Variants in GPR141 observed in about 807,000 individuals in gnomAD.
The protein encoded by GPR141 is probable G protein-coupled receptor 141.
In GPR141, 6 loss-of-function variants were observed where a neutral mutation model predicts 6.8. That is an observed-to-expected ratio of 0.88 (90% CI 0.48 to 1.74). The LOEUF (loss-of-function observed/expected upper bound fraction) is 1.74. Ranked by LOEUF, GPR141 falls within the 40% of genes most tolerant of loss-of-function variation. GPR141 has a pLI of 0.01. For synonymous variants in GPR141, 140 were observed against 142.3 expected (o/e 0.98, Z 0.11); for missense variants, 372 against 372.9 (o/e 1.00, Z 0.02).
chr7:37,740,674 T>G lies in GPR141; in HGVS notation c.281T>G (p.Met94Arg). ...GLPFCKFVSA[M>R]LHIHMYLTFL... is the part of the protein sequence containing the mutation. The stretch of plus-strand genomic sequence containing the variant: ...CCCTTCTGCAAATTTGTGAGTGCCA[T>G]GCTGCACATCCACATGTACCTCACG... The change falls in exon 3 of 3, where the codon ATG becomes AGG. Residue 94 changes from methionine (M) to arginine (R), a missense_variant. Transcript: ENST00000334425. 1 of 1,614,164 alleles carries G rather than the reference T, an allele frequency of 6.2e-7. No individual in the cohort carries two copies.
At chr7:37,724,289 A>G (rs995965220) in intron 2 of GPR141, among the ~76,000 whole-genome samples, 5 of 152,080 alleles carry the variant, frequency 3.3e-5, no homozygotes, top group African/African-American at 1.2e-4. Context: ...TAAAAAATAT[A>G]TATATACATT....
chr7:37,720,428 A>G (rs1263667800), intron 2 of GPR141, among the ~76,000 whole-genome samples: 1 of 152,240 alleles, frequency 6.6e-6, no homozygotes, highest in African/African-American at 2.4e-5. Context: ...CAGAGAGTTA[A>G]GTACTTAAGA....
chr7:37,716,713 G>T (rs533497647), intron 2 of GPR141, among the ~76,000 whole-genome samples: 49 of 152,348 alleles, frequency 3.2e-4, no homozygotes, highest in African/African-American at 1.2e-3. Context: ...TTAGCTGTTT[G>T]CTCAGGGAAC....
chr7:37,738,539 G>A (rs533438935), intron 2 of GPR141, among the ~76,000 whole-genome samples: 4 of 152,290 alleles, frequency 2.6e-5, no homozygotes, highest in Admixed American at 6.5e-5. Flanking sequence ...ACATGAGACA[G>A]CTGTTGCAGA....
chr7:37,732,865 G>A (rs1258884961), intron 2 of GPR141, among the ~76,000 whole-genome samples: 1 of 152,194 alleles, frequency 6.6e-6, no homozygotes, highest in Non-Finnish European at 1.5e-5. Context: ...ATTGGGAGAA[G>A]GTTATTACAA....
In GPR141 at chr7:37,743,336, A is replaced by G. The variant is rs537894679; in HGVS notation, c.*2025A>G. Among the ~76,000 whole-genome samples the G allele has an allele frequency of 3.1e-3, 470 of 152,304 alleles. 5 individuals are homozygous for G. Among genetic ancestry groups the G allele is most frequent in the African/African-American group, 0.011 (448 of 41,574 alleles). ...AAATTAATTCTGAGGAAGCAGAAGT[A>G]GCAACATAGTTCAAACATGACTTGT... On this transcript the variant is annotated 3_prime_UTR_variant, in exon 3 of 3. Coordinates refer to ENST00000334425, the MANE Select transcript of GPR141 (RefSeq NM_001381946.1).
At chr7:37,703,820 CTATTA>C (rs1810402299) in intron 2 of GPR141, among the ~76,000 whole-genome samples, 2 of 152,100 alleles carry the variant, frequency 1.3e-5, no homozygotes, top group Admixed American at 1.3e-4. Context: ...TTTTTCATCT[CTATTA>C]TATGGTTCAC....
chr7:37,710,070 G>A (rs146863324), intron 2 of GPR141, among the ~76,000 whole-genome samples: 2 of 152,314 alleles, frequency 1.3e-5, no homozygotes, highest in South Asian at 2.1e-4. Context: ...CTGAGAGTAC[G>A]TGATGACCTG....
intron 2 of GPR141, among the ~76,000 whole-genome samples, chr7:37,723,754 T>G (rs1194509363): frequency 6.6e-6 from 1 of 152,160 alleles, no homozygotes; most frequent in Non-Finnish European, 1.5e-5. Context: ...CCAGATGGTG[T>G]GTCAAAGGTG....
At chr7:37,686,559 A>G (rs1315786785) in intron 2 of GPR141, among the ~76,000 whole-genome samples, 1 of 152,126 alleles carries the variant, frequency 6.6e-6, no homozygotes, top group Non-Finnish European at 1.5e-5. Context: ...TGCTACCTTT[A>G]TATTTTAGAA....
At chr7:37,728,886 G>A (rs957891826) in intron 2 of GPR141, among the ~76,000 whole-genome samples, 6 of 152,174 alleles carry the variant, frequency 3.9e-5, no homozygotes, top group African/African-American at 1.2e-4. Context: ...CAGCTAATAT[G>A]TCAGTTCCCA....
chr7:37,709,635 C>A (rs1273840745), intron 2 of GPR141: 1 of 152,192 alleles, frequency 6.6e-6, no homozygotes, highest in South Asian at 2.1e-4. Flanking sequence ...TTTTAATTCA[C>A]CAATTTTATA....
intron 2 of GPR141, among the ~76,000 whole-genome samples, chr7:37,735,920 G>C (rs1218822392): frequency 6.6e-6 from 1 of 152,124 alleles, no homozygotes; most frequent in Admixed American, 6.6e-5. Context: ...ATTCTAGTTG[G>C]TTTAGCAGCA....
intron 2 of GPR141, among the ~76,000 whole-genome samples, chr7:37,698,920 T>A (rs906922629): frequency 2.0e-5 from 3 of 152,214 alleles, no homozygotes; most frequent in Non-Finnish European, 2.9e-5. Context: ...TAAACTTTGA[T>A]CCTTCTGAGA....
chr7:37,707,856 G>A (rs1253465224), intron 2 of GPR141, among the ~76,000 whole-genome samples: 5 of 152,134 alleles, frequency 3.3e-5, no homozygotes, highest in Non-Finnish European at 5.9e-5. Context: ...ACCAGCTAGA[G>A]AGGAAAAACA....
At chr7:37,718,276 A>T (rs994171080) in intron 2 of GPR141, among the ~76,000 whole-genome samples, 7 of 152,198 alleles carry the variant, frequency 4.6e-5, no homozygotes, top group Non-Finnish European at 7.3e-5. Context: ...TGAGAGGCTG[A>T]TGTGAGAGGA....
intron 2 of GPR141, among the ~76,000 whole-genome samples, chr7:37,698,925 C>T (rs1810149465): frequency 1.3e-5 from 2 of 152,186 alleles, no homozygotes; most frequent in Non-Finnish European, 2.9e-5. Flanking sequence ...TTTGATCCTT[C>T]TGAGAATGTC....
intron 2 of GPR141, among the ~76,000 whole-genome samples, chr7:37,718,571 G>A (rs967785982): frequency 6.7e-6 from 1 of 150,110 alleles, no homozygotes; most frequent in Non-Finnish European, 1.5e-5. Flanking sequence ...AAAGAAGGAA[G>A]GGATTCTAGA....
At position 37,742,685 on chromosome 7, in the gene GPR141, A is replaced by G. The variant is rs1020946712; in HGVS notation, c.*1374A>G. On this transcript the variant is annotated 3_prime_UTR_variant, in exon 3 of 3. Transcript: ENST00000334425. ...TTTTCTGAATATTTGAAGAGTGGATAAATAAATGTCCCCCAAAGCAATAAA... is the reference window on the plus strand; with the variant it reads ...TTTTCTGAATATTTGAAGAGTGGATGAATAAATGTCCCCCAAAGCAATAAA... Among the ~76,000 whole-genome samples, 1 of 152,196 alleles carries G rather than the reference A, an allele frequency of 6.6e-6. No homozygotes were observed. Among genetic ancestry groups the G allele is most frequent in the Non-Finnish European group, 1.5e-5 (1 of 68,040 alleles).
Sources: allele counts gnomAD v4.1 joint callset (sites outside exome capture counted in the v4.1 genomes callset), GRCh38; gene constraint gnomAD v4.1.1; transcripts MANE v1.5; gene names NCBI Gene and HGNC (gene_info 2026-07-23, HGNC 2026-07-21).